The following LOC128125817 variants were observed in gnomAD, a reference collection of about 807,000 sequenced individuals.
the LOC128125817 span, among the ~76,000 whole-genome samples, chr1:41,593,916 G>A: frequency 6.6e-6 from 1 of 152,154 alleles, no homozygotes; most frequent in South Asian, 2.1e-4. Flanking sequence ...CTTCTAGAGG[G>A]TACCTGAATT....
chr1:41,589,627 C>T, the LOC128125817 span, among the ~76,000 whole-genome samples: 1 of 152,218 alleles, frequency 6.6e-6, no homozygotes, highest in African/African-American at 2.4e-5. Flanking sequence ...TAGACAATTC[C>T]ACCAGTCCTG....
chr1:41,600,774 G>A, the LOC128125817 span, among the ~76,000 whole-genome samples: 1 of 152,168 alleles, frequency 6.6e-6, no homozygotes, highest in Non-Finnish European at 1.5e-5. Context: ...ATAAGAATAT[G>A]TCATGAAGTT....
the LOC128125817 span, among the ~76,000 whole-genome samples, chr1:41,590,353 C>A: frequency 6.6e-6 from 1 of 152,232 alleles, no homozygotes; most frequent in Non-Finnish European, 1.5e-5. Context: ...GGTCTATGGC[C>A]ACCAGCTAGA....
the LOC128125817 span, among the ~76,000 whole-genome samples, chr1:41,626,439 C>A: frequency 6.6e-6 from 1 of 152,210 alleles, no homozygotes; most frequent in Admixed American, 6.5e-5. Context: ...CCATACTCTA[C>A]AGATTCTTCC....
At chr1:41,617,200 A>G in the LOC128125817 span, among the ~76,000 whole-genome samples, 1 of 151,572 alleles carries the variant, frequency 6.6e-6, no homozygotes, top group South Asian at 2.1e-4. Context: ...TTTTCCTACT[A>G]GAATTTTGCC....
At chr1:41,613,340 C>T in the LOC128125817 span, among the ~76,000 whole-genome samples, 2 of 152,192 alleles carry the variant, frequency 1.3e-5, no homozygotes, top group African/African-American at 4.8e-5. Flanking sequence ...ACGCGTGGGG[C>T]GGGTCTCGTG....
At chr1:41,607,392 T>C in the LOC128125817 span, among the ~76,000 whole-genome samples, 2 of 152,226 alleles carry the variant, frequency 1.3e-5, no homozygotes, top group Non-Finnish European at 2.9e-5. Context: ...GTTTTTTCCA[T>C]AATGATATTT....
chr1:41,595,654 G>T, the LOC128125817 span, among the ~76,000 whole-genome samples: 97 of 152,282 alleles, frequency 6.4e-4, 1 homozygote, highest in African/African-American at 2.2e-3. Context: ...TGCCAAAGGA[G>T]ATTAACATTT....
chr1:41,622,089 C>A, the LOC128125817 span, among the ~76,000 whole-genome samples: 1 of 152,324 alleles, frequency 6.6e-6, no homozygotes, highest in East Asian at 1.9e-4. Context: ...TCTTGCAGAT[C>A]CTTGGGTTCA....
chr1:41,614,715 G>C, the LOC128125817 span, among the ~76,000 whole-genome samples: 2 of 152,186 alleles, frequency 1.3e-5, no homozygotes, highest in Non-Finnish European at 1.5e-5. Flanking sequence ...GAAGAAGATG[G>C]GTAAGTCACT....
chr1:41,623,910 C>T, the LOC128125817 span, among the ~76,000 whole-genome samples: 2 of 151,788 alleles, frequency 1.3e-5, no homozygotes, highest in Admixed American at 6.6e-5. Flanking sequence ...ATCAGAGTGA[C>T]GTGTATGCTC....
chr1:41,600,682 T>C, the LOC128125817 span, among the ~76,000 whole-genome samples: 5 of 152,204 alleles, frequency 3.3e-5, no homozygotes, highest in African/African-American at 4.8e-5. Flanking sequence ...AGTTGGTCAA[T>C]GTTATGTCTA....
the LOC128125817 span, among the ~76,000 whole-genome samples, chr1:41,605,313 G>T: frequency 6.6e-6 from 1 of 151,670 alleles, no homozygotes. Context: ...AGTTTTCTGG[G>T]TGTACAATTG....
chr1:41,601,241 G>C, the LOC128125817 span, among the ~76,000 whole-genome samples: 1 of 152,080 alleles, frequency 6.6e-6, no homozygotes, highest in Admixed American at 6.5e-5. Flanking sequence ...TGTGTTTTTT[G>C]TGGTTCCATA....
the LOC128125817 span, among the ~76,000 whole-genome samples, chr1:41,604,180 C>T: frequency 1.3e-5 from 2 of 152,144 alleles, no homozygotes; most frequent in Non-Finnish European, 2.9e-5. Context: ...AAGACTATAT[C>T]CTATAGAAAT....
the LOC128125817 span, among the ~76,000 whole-genome samples, chr1:41,621,891 C>G: frequency 6.6e-6 from 1 of 152,330 alleles, no homozygotes; most frequent in East Asian, 1.9e-4. Flanking sequence ...AAGTCTCTTT[C>G]CCACCCTGCA....
the LOC128125817 span, among the ~76,000 whole-genome samples, chr1:41,616,454 G>C: frequency 6.6e-6 from 1 of 152,158 alleles, no homozygotes; most frequent in South Asian, 2.1e-4. Context: ...GAGTCTCAGA[G>C]TCTCCGGGTT....
At chr1:41,595,973 T>A in the LOC128125817 span, among the ~76,000 whole-genome samples, 2 of 152,234 alleles carry the variant, frequency 1.3e-5, no homozygotes, top group East Asian at 3.9e-4. Context: ...TCTATCCTAG[T>A]AGTTCTGTCC....
At chr1:41,610,899 A>AC in the LOC128125817 span, among the ~76,000 whole-genome samples, 8 of 151,864 alleles carry the variant, frequency 5.3e-5, no homozygotes, top group African/African-American at 1.2e-4. Flanking sequence ...TTGCCCTGAG[A>AC]CCCCCCAAGC....
Sources: gnomAD v4.1 joint callset for allele counts (sites outside exome capture counted in the v4.1 genomes callset) on GRCh38, gnomAD v4.1.1 for gene constraint, MANE v1.5 for transcripts.